Variants in ZFHX3 observed in about 807,000 individuals in gnomAD.
ZFHX3 encodes zinc finger homeobox protein 3.
In ZFHX3, 42 loss-of-function variants were observed where a neutral mutation model predicts 279.1. That is an observed-to-expected ratio of 0.15 (90% CI 0.12 to 0.19). ZFHX3 has a LOEUF of 0.19. Among genes scored for constraint, ZFHX3 ranks in the 10% least tolerant of loss-of-function variants. ZFHX3 has a pLI of 1.00. For missense variants in ZFHX3, 4,981 were observed against 4,754.0 expected, an observed-to-expected ratio of 1.05 and a Z score of -1.40; for synonymous variants, 2,293 against 1,957.8, an observed-to-expected ratio of 1.17 and a Z score of -4.52.
In ZFHX3 at chr16:73,120,649, C is replaced by CTTTTTT. The variant is rs140219846; in HGVS notation, c.-897+10318_-897+10319insAAAAAA. On this transcript the variant is annotated intron_variant, in intron 7 of 17. Coordinates refer to the ZFHX3 transcript ENST00000641206. ...TTGTTTTTCTGCCCTATCCTCTCTA[C>CTTTTTT]CTTTTTTTTTTTTTTTTTTTTTTGA... 1.5e-4 allele frequency among the ~76,000 whole-genome samples: 16 copies of CTTTTTT among 106,202 alleles called. 2 individuals are homozygous for CTTTTTT. The highest frequency in any genetic ancestry group is 2.0e-4 in the Admixed American group (2 of 9,766). 69.7% of individuals were successfully genotyped at this position (106,202 alleles called of 152,430 possible). A position where few individuals can be genotyped will look rare whatever the true frequency, so the allele number is the denominator to read the frequency against.
intron 1 of ZFHX3, among the ~76,000 whole-genome samples, chr16:73,801,849 C>T (rs570906047): frequency 6.6e-6 from 1 of 152,178 alleles, no homozygotes; most frequent in Non-Finnish European, 1.5e-5. Context: ...GCAACTTGGG[C>T]GTGTTCATTT....
chr16:73,192,146 T>C (rs1968052924), intron 5 of ZFHX3, among the ~76,000 whole-genome samples: 1 of 152,124 alleles, frequency 6.6e-6, no homozygotes, highest in Non-Finnish European at 1.5e-5. Flanking sequence ...ACTTGCTACC[T>C]TCCCTCCAGC....
chr16:73,332,778 CA>C (rs1340205822), intron 3 of ZFHX3, among the ~76,000 whole-genome samples: 4 of 152,126 alleles, frequency 2.6e-5, no homozygotes, highest in Non-Finnish European at 4.4e-5. Flanking sequence ...ACAGAGCCCT[CA>C]AGGTAGTCAA....
At chr16:73,606,346 C>T (rs928736018) in intron 2 of ZFHX3, among the ~76,000 whole-genome samples, 12 of 151,648 alleles carry the variant, frequency 7.9e-5, no homozygotes, top group African/African-American at 2.4e-4. Context: ...ATTAGCCAGG[C>T]GTGGTGGTGC....
chr16:73,886,168 T>C (rs891639195), intron 1 of ZFHX3, among the ~76,000 whole-genome samples: 2 of 152,194 alleles, frequency 1.3e-5, no homozygotes, highest in African/African-American at 4.8e-5. Context: ...AAGTTACAGA[T>C]TGAAACCTAC....
chr16:73,079,474 G>A (rs1009915450), intron 8 of ZFHX3, among the ~76,000 whole-genome samples: 3 of 152,112 alleles, frequency 2.0e-5, no homozygotes, highest in South Asian at 2.1e-4. Flanking sequence ...GGGACAGGGC[G>A]AGACTCTGTC....
intron 1 of ZFHX3, among the ~76,000 whole-genome samples, chr16:73,873,576 A>G (rs369614638): frequency 0.011 from 769 of 69,440 alleles, 8 homozygotes; most frequent in African/African-American, 0.023. Context: ...TTTTACAGAG[A>G]AAAAAAACAT....
chr16:73,351,504 G>T (rs2016241181), intron 3 of ZFHX3, among the ~76,000 whole-genome samples: 1 of 152,308 alleles, frequency 6.6e-6, no homozygotes, highest in African/African-American at 2.4e-5. Context: ...CTTCACTTGG[G>T]AACCTGTTTC....
intron 4 of ZFHX3, among the ~76,000 whole-genome samples, chr16:72,836,251 T>C (rs2037189596): frequency 1.3e-5 from 2 of 152,190 alleles, no homozygotes; most frequent in South Asian, 2.1e-4. Flanking sequence ...CATCGAATAG[T>C]GACCACAAGT....
chr16:73,067,180 C>T (rs1480375320), intron 8 of ZFHX3, among the ~76,000 whole-genome samples: 1 of 152,160 alleles, frequency 6.6e-6, no homozygotes, highest in Admixed American at 6.5e-5. Flanking sequence ...CGTCTCCCTC[C>T]CTCTCATTCT....
chr16:73,285,642 G>A (rs1270459157), intron 4 of ZFHX3, among the ~76,000 whole-genome samples: 2 of 152,122 alleles, frequency 1.3e-5, no homozygotes, highest in Admixed American at 6.5e-5. Flanking sequence ...ATGAAGCCTC[G>A]GCTGGTCATG....
At chr16:72,976,779 A>C (rs556293377) in intron 1 of ZFHX3, among the ~76,000 whole-genome samples, 1 of 152,304 alleles carries the variant, frequency 6.6e-6, no homozygotes, top group African/African-American at 2.4e-5. Flanking sequence ...CTGTGTTTAA[A>C]AACACTGACC....
rs528677038 is a variant in ZFHX3, at chr16:73,777,888, G to T, written c.-1607-97648C>A. On this transcript the variant is annotated intron_variant, in intron 1 of 17. Coordinates refer to the ZFHX3 transcript ENST00000641206. ...GTAGCTAAAGGGAGTATCTGGAAGG[G>T]ATTGAGAAAGATGGAATGTCACAAA... 3.3e-5 allele frequency among the ~76,000 whole-genome samples: 5 copies of T among 152,180 alleles called. No individual in the cohort carries two copies. The South Asian group carries it at 8.3e-4, about 25-fold the overall frequency.
intron 3 of ZFHX3, chr16:73,401,873 G>A (rs1039937633): frequency 5.3e-5 from 8 of 152,284 alleles, no homozygotes; most frequent in Non-Finnish European, 1.0e-4. Context: ...CTGTTATAAC[G>A]AGGGTCTGAC....
At chr16:73,534,447 T>C (rs2019859359) in intron 2 of ZFHX3, among the ~76,000 whole-genome samples, 1 of 152,338 alleles carries the variant, frequency 6.6e-6, no homozygotes, top group South Asian at 2.1e-4. Flanking sequence ...TTCCATCTCA[T>C]GCATCACCTT....
At chr16:73,760,354 G>A (rs947855335) in intron 1 of ZFHX3, among the ~76,000 whole-genome samples, 5 of 152,150 alleles carry the variant, frequency 3.3e-5, no homozygotes, top group African/African-American at 1.2e-4. Flanking sequence ...AATTTTACCA[G>A]AGGTACAAAA....
Position 72,798,063 on chromosome 16 carries a change from T to G in ZFHX3, c.4619A>C (p.Asp1540Ala), listed in dbSNP as rs2035976035. 1 of 1,614,124 alleles carries G rather than the reference T, an allele frequency of 6.2e-7. No homozygotes were observed. The highest frequency in any genetic ancestry group is 2.2e-5 in the East Asian group (1 of 44,878). ...GGTACACTTGTAAGGGCGAGAAGGGTCTAGGAACTTTTCCATAGTAAAATT... is the reference window on the plus strand; with the variant it reads ...GGTACACTTGTAAGGGCGAGAAGGGGCTAGGAACTTTTCCATAGTAAAATT... ...GPNFTMEKFL[D>A]PSRPYKCTVC... The change falls in exon 9 of 10, where the codon GAC (aspartate) becomes GCC (alanine). Residue 1540 changes from aspartate (D) to alanine (A), a missense_variant. Asp to Ala is a moderately radical substitution (Grantham distance 126). This residue lies in a region of ZFHX3 where 1,751 missense variants were observed against 1,770.0 expected (regional missense o/e 0.99). Transcript: ENST00000268489.
chr16:73,069,194 A>G (rs1323989971), intron 8 of ZFHX3, among the ~76,000 whole-genome samples: 1 of 152,200 alleles, frequency 6.6e-6, no homozygotes, highest in Non-Finnish European at 1.5e-5. Flanking sequence ...CTGCAAAAAT[A>G]ACTCTGGGCT....
At chr16:73,503,600 T>C (rs974150628) in intron 2 of ZFHX3, among the ~76,000 whole-genome samples, 1 of 152,182 alleles carries the variant, frequency 6.6e-6, no homozygotes, top group African/African-American at 2.4e-5. Flanking sequence ...TCAGTTACAG[T>C]GTTTTTTGAT....
Sources: allele counts gnomAD v4.1 joint callset (sites outside exome capture counted in the v4.1 genomes callset), GRCh38; gene constraint gnomAD v4.1.1; regional missense constraint gnomAD v4.1.1; transcripts MANE v1.5; gene names NCBI Gene and HGNC (gene_info 2026-07-23, HGNC 2026-07-21).